MRRF: variants seen among roughly 807,000 people sequenced by gnomAD.
MRRF encodes mitochondrial ribosome recycling factor, also known as ribosome-recycling factor, mitochondrial.
Under a neutral mutation model 25.1 loss-of-function variants are expected in MRRF, and 18 were observed. That is an observed-to-expected ratio of 0.72 (90% CI 0.50 to 1.06). The LOEUF (loss-of-function observed/expected upper bound fraction) is 1.06. Ranked by LOEUF, MRRF falls within the 50% of genes least tolerant of loss-of-function variation. The pLI is 0.00. For missense variants in MRRF, 323 were observed against 319.3 expected (o/e 1.01, Z -0.09); for synonymous variants, 113 against 112.1 (o/e 1.01, Z -0.05).
chr9:122,304,432 C>T (rs1175494602), intron 5 of MRRF, among the ~76,000 whole-genome samples: 2 of 152,186 alleles, frequency 1.3e-5, no homozygotes, highest in African/African-American at 2.4e-5. Flanking sequence ...AATGGGGCTC[C>T]TTCCCAGCGT....
intron 2 of MRRF, among the ~76,000 whole-genome samples, chr9:122,279,891 G>A (rs1832992258): frequency 6.6e-6 from 1 of 152,084 alleles, no homozygotes; most frequent in South Asian, 2.1e-4. Flanking sequence ...TGTGGAGATG[G>A]GCTAGTGAAA....
At chr9:122,311,344 C>T (rs986741788) in intron 5 of MRRF, among the ~76,000 whole-genome samples, 1 of 152,196 alleles carries the variant, frequency 6.6e-6, no homozygotes, top group African/African-American at 2.4e-5. Context: ...TTCCTCCCTC[C>T]CTTTCTCCCT....
intron 1 of MRRF, among the ~76,000 whole-genome samples, chr9:122,270,398 T>A (rs1395684129): frequency 6.6e-6 from 1 of 152,228 alleles, no homozygotes; most frequent in Non-Finnish European, 1.5e-5. Context: ...CCAAATAAAA[T>A]TTTAATTAAA....
At chr9:122,299,351 G>A (rs1195303355) in intron 5 of MRRF, among the ~76,000 whole-genome samples, 1 of 151,840 alleles carries the variant, frequency 6.6e-6, no homozygotes, top group Non-Finnish European at 1.5e-5. Flanking sequence ...CTGACCTCAA[G>A]TGATCCACCC....
At chr9:122,305,914 A>G (rs1264448314) in intron 5 of MRRF, among the ~76,000 whole-genome samples, 1 of 152,226 alleles carries the variant, frequency 6.6e-6, no homozygotes, top group Non-Finnish European at 1.5e-5. Flanking sequence ...TTTCTGGAAC[A>G]TTGTGCCAAC....
intron 2 of MRRF, among the ~76,000 whole-genome samples, chr9:122,277,974 A>G (rs773640390): frequency 6.6e-6 from 1 of 152,028 alleles, no homozygotes; most frequent in Non-Finnish European, 1.5e-5. Flanking sequence ...ATGTTTTGTT[A>G]CATGCATAAA....
At chr9:122,271,917 T>C (rs549556863) in intron 2 of MRRF, among the ~76,000 whole-genome samples, 1 of 152,308 alleles carries the variant, frequency 6.6e-6, no homozygotes, top group South Asian at 2.1e-4. Flanking sequence ...CCACTGACTT[T>C]CCTTTTCTAA....
Position 122,279,421 on chromosome 9 carries a change from A to G in MRRF, c.185-1022A>G, listed in dbSNP as rs145165833. 1.8e-3 allele frequency among the ~76,000 whole-genome samples: 276 copies of G among 152,332 alleles called. 1 individual carries two copies. The highest frequency in any genetic ancestry group is 6.5e-3 in the African/African-American group (271 of 41,576). ...GAGAATGTACTTGAAATTGCATTGC[A>G]AGTTATAATATGCCACCCAAATAGT... On this transcript the variant is annotated intron_variant, in intron 2 of 6. Transcript: ENST00000344641.
intron 5 of MRRF, among the ~76,000 whole-genome samples, chr9:122,294,931 G>A (rs181087842): frequency 4.9e-4 from 74 of 152,248 alleles, no homozygotes; most frequent in African/African-American, 1.6e-3. Context: ...AGGGAAGAAG[G>A]GAACTAATAG....
chr9:122,312,520 G>A (rs909835003), intron 5 of MRRF, among the ~76,000 whole-genome samples: 1 of 152,120 alleles, frequency 6.6e-6, no homozygotes, highest in Non-Finnish European at 1.5e-5. Flanking sequence ...CAGAACTTAG[G>A]ATTGTCCTTC....
At position 122,328,456 on chromosome 9, in the gene MRRF, G is replaced by T. The variant is rs908459126; in HGVS notation, c.*5839G>T. On this transcript the variant is annotated 3_prime_UTR_variant, in exon 7 of 7. Coordinates refer to ENST00000344641, the MANE Select transcript of MRRF (RefSeq NM_138777.5). ...TTATAAATTTGATTAGGAACATCATGTTAAGTGGAATCATACAGGATTTGT... is the reference window on the plus strand; with the variant it reads ...TTATAAATTTGATTAGGAACATCATTTTAAGTGGAATCATACAGGATTTGT... 6.6e-5 allele frequency: 10 copies of T among 152,246 alleles called. No homozygotes were observed. Among genetic ancestry groups the T allele is most frequent in the African/African-American group, 2.4e-4 (10 of 41,522 alleles). The allele number at this position is 152,246 out of a possible 1,614,324, so 9.4% of individuals were successfully genotyped here.
intron 2 of MRRF, among the ~76,000 whole-genome samples, chr9:122,271,865 T>C (rs758520644): frequency 2.8e-4 from 42 of 152,142 alleles, no homozygotes; most frequent in Non-Finnish European, 5.0e-4. Flanking sequence ...CAGGGAGTCC[T>C]CCCCCAAGAA....
chr9:122,291,024 T>TC (rs1275481607), intron 4 of MRRF, among the ~76,000 whole-genome samples: 1 of 152,186 alleles, frequency 6.6e-6, no homozygotes, highest in Non-Finnish European at 1.5e-5. Context: ...TATTACTATG[T>TC]CCCAGGCACA....
intron 5 of MRRF, among the ~76,000 whole-genome samples, chr9:122,304,336 C>A (rs749144410): frequency 7.9e-5 from 12 of 152,194 alleles, no homozygotes; most frequent in Non-Finnish European, 1.8e-4. Flanking sequence ...AGTTTTTGAA[C>A]ACCTGTCTTC....
At chr9:122,300,750 G>A (rs1326937854) in intron 5 of MRRF, among the ~76,000 whole-genome samples, 1 of 152,146 alleles carries the variant, frequency 6.6e-6, no homozygotes. Flanking sequence ...ACAGATGGGA[G>A]GAGTTGAGTG....
intron 1 of MRRF, among the ~76,000 whole-genome samples, chr9:122,266,637 A>G (rs1410437972): frequency 1.3e-5 from 2 of 152,236 alleles, no homozygotes; most frequent in Non-Finnish European, 2.9e-5. Context: ...TTATGTTATA[A>G]GCTAGTATAC....
chr9:122,309,077 A>G (rs1175462326), intron 5 of MRRF, among the ~76,000 whole-genome samples: 2 of 151,986 alleles, frequency 1.3e-5, no homozygotes, highest in African/African-American at 2.4e-5. Context: ...CTACTATTCT[A>G]CTTTCCGTCT....
rs1180527864 is a variant in MRRF at position 122,294,638 on chromosome 9, G to A, written c.551+2798G>A. Among the ~76,000 whole-genome samples, 7 of 152,154 alleles carry A rather than the reference G, an allele frequency of 4.6e-5. No individual in the cohort carries two copies. In the East Asian group the frequency reaches 5.8e-4, roughly 13 times the overall value. On this transcript the variant is annotated intron_variant, in intron 5 of 6. Coordinates refer to ENST00000344641, the MANE Select transcript of MRRF (RefSeq NM_138777.5). ...TTCTTTATTATAGAGGCTGTGTTACGTGAGAGGATAAAGGTTGATTTATAA... is the reference window on the plus strand; with the variant it reads ...TTCTTTATTATAGAGGCTGTGTTACATGAGAGGATAAAGGTTGATTTATAA...
intron 5 of MRRF, among the ~76,000 whole-genome samples, chr9:122,308,970 AT>A (rs957765907): frequency 6.6e-6 from 1 of 152,130 alleles, no homozygotes; most frequent in Admixed American, 6.5e-5. Flanking sequence ...GTATATTCAC[AT>A]TGCTGTATAA....
Sources: allele counts gnomAD v4.1 joint callset (sites outside exome capture counted in the v4.1 genomes callset), GRCh38; gene constraint gnomAD v4.1.1; transcripts MANE v1.5; gene names NCBI Gene and HGNC (gene_info 2026-07-23, HGNC 2026-07-21).